TNRC6C: variants seen among roughly 807,000 people sequenced by gnomAD.
TNRC6C encodes the protein trinucleotide repeat-containing gene 6C protein.
Under a neutral mutation model 153.7 loss-of-function variants are expected in TNRC6C, and 20 were observed. The ratio of observed to expected loss-of-function variants is 0.13; its 90% CI spans 0.09 to 0.19. The LOEUF is 0.19. Among genes scored for constraint, TNRC6C ranks in the 10% least tolerant of loss-of-function variants. The pLI, the probability that TNRC6C is intolerant of heterozygous loss-of-function variation, is 1.00. For missense variants in TNRC6C, 1,987 were observed against 2,172.0 expected, an observed-to-expected ratio of 0.91 and a Z score of 1.69; for synonymous variants, 811 against 841.4, an observed-to-expected ratio of 0.96 and a Z score of 0.63.
At chr17:78,027,903 G>GTTTT (rs550690147) in intron 1 of TNRC6C, among the ~76,000 whole-genome samples, 2 of 136,572 alleles carry the variant, frequency 1.5e-5, no homozygotes, top group East Asian at 2.1e-4. Context: ...AAACTTGGAG[G>GTTTT]TTTTTTTTTT....
At chr17:78,024,555 C>T (rs1184293236) in intron 1 of TNRC6C, among the ~76,000 whole-genome samples, 3 of 151,872 alleles carry the variant, frequency 2.0e-5, no homozygotes, top group Non-Finnish European at 4.4e-5. Flanking sequence ...TTAGTAGAGA[C>T]GGGGTTTCAC....
intron 1 of TNRC6C, among the ~76,000 whole-genome samples, chr17:77,985,603 A>AAAAAAAAAAAAAAAAAAAAAAAAAC (rs1321535708): frequency 6.8e-6 from 1 of 147,680 alleles, no homozygotes; most frequent in African/African-American, 2.5e-5. Context: ...CTCCGTCTCA[A>AAAAAAAAAAAAAAAAAAAAAAAAAC]AAAAAAAAAA....
At chr17:78,055,436 G>A (rs956991688) in intron 3 of TNRC6C, among the ~76,000 whole-genome samples, 2 of 152,150 alleles carry the variant, frequency 1.3e-5, no homozygotes, top group Admixed American at 6.5e-5. Flanking sequence ...GTGACTGGCC[G>A]CACAGTAGGT....
At chr17:78,019,295 T>TA (rs1433007340) in intron 1 of TNRC6C, among the ~76,000 whole-genome samples, 2 of 152,194 alleles carry the variant, frequency 1.3e-5, no homozygotes, top group Non-Finnish European at 2.9e-5. Context: ...CTTGGTATCT[T>TA]AGAGATGACA....
At chr17:78,064,749 A>G (rs2072838754) in exon 4 of TNRC6C, 4 of 1,613,686 alleles carry the variant, frequency 2.5e-6, no homozygotes, top group Middle Eastern at 3.3e-4. Context: ...GAAATGCCTA[A>G]TGTTCACTCA....
chr17:78,104,925 A>G lies in TNRC6C; in HGVS notation c.*80A>G, dbSNP rs2073665453. 1 of 1,355,926 alleles carries G rather than the reference A, an allele frequency of 7.4e-7. No homozygotes were observed. Among genetic ancestry groups the G allele is most frequent in the African/African-American group, 1.5e-5 (1 of 65,178 alleles). The allele number at this position is 1,355,926 out of a possible 1,614,324, so 84.0% of individuals were successfully genotyped here. A position where few individuals can be genotyped will look rare whatever the true frequency, so the allele number is the denominator to read the frequency against. ...TGGGCGGCCCCACAGACCCGCTGGA[A>G]CCCAGCAGCGGCCGCCCTTTTGAGT... On this transcript the variant is annotated 3_prime_UTR_variant, in exon 20 of 20. Coordinates refer to ENST00000301624, the Ensembl canonical transcript of TNRC6C. The surrounding 1 kb of genome is among the most constrained non-coding windows in gnomAD (Gnocchi z 6.2).
At chr17:77,992,638 G>T (rs951662432) in intron 1 of TNRC6C, among the ~76,000 whole-genome samples, 2 of 152,186 alleles carry the variant, frequency 1.3e-5, no homozygotes, top group African/African-American at 2.4e-5. Flanking sequence ...GCTGTCAAGA[G>T]GCTGCAGAAG....
At chr17:78,003,660 A>G (rs189054540), upstream of TNRC6C, among the ~76,000 whole-genome samples, 876 of 152,350 alleles carry the variant, frequency 5.7e-3, 7 homozygotes, top group Middle Eastern at 0.017. Context: ...TCAAGAAAAT[A>G]GAGAACTGAA....
At chr17:78,021,398 A>G (rs1009195372) in intron 1 of TNRC6C, among the ~76,000 whole-genome samples, 4 of 152,256 alleles carry the variant, frequency 2.6e-5, no homozygotes, top group Middle Eastern at 3.2e-3. Context: ...TGTTGTGCTC[A>G]TAGCTCAAGG....
intron 11 of TNRC6C, among the ~76,000 whole-genome samples, chr17:78,083,959 A>T (rs2073227971): frequency 6.6e-6 from 1 of 152,132 alleles, no homozygotes; most frequent in Admixed American, 6.5e-5. Flanking sequence ...TTATTTAGCA[A>T]TCTTAGCCAG....
At chr17:77,985,390 C>T (rs554761164) in intron 1 of TNRC6C, among the ~76,000 whole-genome samples, 2 of 150,920 alleles carry the variant, frequency 1.3e-5, no homozygotes, top group African/African-American at 2.4e-5. Context: ...GTCAGGAGAT[C>T]GAGACCATCT....
chr17:78,077,420 A>G (rs1257858235), intron 9 of TNRC6C, 86 bp downstream of exon 11: 6 of 1,482,278 alleles, frequency 4.0e-6, no homozygotes, highest in Non-Finnish European at 5.5e-6. Flanking sequence ...TTACTTATTT[A>G]TAGTTAATAC....
rs1298870276 is a variant in TNRC6C, at chr17:78,093,992, T to C, written c.4306+229T>C. Among the ~76,000 whole-genome samples the C allele has an allele frequency of 2.0e-5, 3 of 151,588 alleles. 1 individual carries two copies. The stretch of plus-strand genomic sequence containing the variant: ...TTTTTATTATTATTACTTTTTTTTT[T>C]TTTTTGCGATGAAGTCTCACTCTGT... On this transcript the variant is annotated intron_variant, in intron 16 of 19. Transcript: ENST00000301624.
chr17:78,051,166 A>G (rs909979342), exon 3 of TNRC6C: 3 of 1,577,786 alleles, frequency 1.9e-6, no homozygotes, highest in Admixed American at 1.8e-5. Flanking sequence ...GGTCAAACAG[A>G]AGGACAGCAG....
intron 1 of TNRC6C, among the ~76,000 whole-genome samples, chr17:78,012,506 T>A (rs915689243): frequency 6.6e-5 from 10 of 152,146 alleles, no homozygotes; most frequent in African/African-American, 9.7e-5. Flanking sequence ...AAGGCTTTTT[T>A]AAAAAAGTTC....
intron 3 of TNRC6C, among the ~76,000 whole-genome samples, chr17:78,063,182 T>C (rs560271227): frequency 6.6e-6 from 1 of 151,438 alleles, no homozygotes; most frequent in Admixed American, 6.6e-5. Context: ...GAGGCGGTGG[T>C]TGCAGTGAGC....
exon 11 of TNRC6C, chr17:78,083,128 C>T: frequency 6.2e-7 from 1 of 1,614,006 alleles, no homozygotes; most frequent in Non-Finnish European, 8.5e-7. Flanking sequence ...TAATCCTCAA[C>T]ATATGACGAT....
At chr17:78,039,309 G>GCCCCCCCCCCCCCCCCCCCCCC (rs11306576) in intron 2 of TNRC6C, among the ~76,000 whole-genome samples, 1 of 113,464 alleles carries the variant, frequency 8.8e-6, no homozygotes, top group African/African-American at 3.6e-5. Flanking sequence ...TTCAAATCTT[G>GCCCCCCCCCCCCCCCCCCCCCC]CCCCCCCCCC....
chr17:77,966,648 G>A (rs886191004), intron 1 of TNRC6C, among the ~76,000 whole-genome samples: 16 of 152,164 alleles, frequency 1.1e-4, no homozygotes, highest in African/African-American at 3.6e-4. Context: ...AGTTTTAGGC[G>A]AGTTTATTGT....
Sources: gnomAD v4.1 joint callset for allele counts (sites outside exome capture counted in the v4.1 genomes callset) on GRCh38, gnomAD v4.1.1 for gene constraint, Gnocchi (gnomAD v3.1) non-coding constraint, MANE v1.5 for transcripts, NCBI Gene and HGNC (gene_info 2026-07-23, HGNC 2026-07-21) for gene names.